Variants in USP10 observed in about 807,000 individuals in gnomAD.
The protein encoded by USP10 is ubiquitin specific peptidase 10, also known as ubiquitin carboxyl-terminal hydrolase 10.
Under a neutral mutation model 84.5 loss-of-function variants are expected in USP10, and 22 were observed. The observed-to-expected ratio is 0.26, with a 90% CI of 0.19 to 0.37. The LOEUF (loss-of-function observed/expected upper bound fraction) is 0.37, where lower values mean the gene tolerates loss of function less well. Ranked by LOEUF, USP10 falls within the 10% of genes least tolerant of loss-of-function variation. The pLI, the probability that USP10 is intolerant of heterozygous loss-of-function variation, is 1.00. For missense variants in USP10, 1,019 were observed against 998.9 expected (o/e 1.02, Z -0.27); for synonymous variants, 454 against 387.6 (o/e 1.17, Z -2.01).
rs1023278118 is a variant in USP10, at chr16:84,718,370, C to G, written c.22-15065C>G. ...ATTGGCTCAAGGGATCCTCCCACCT[C>G]AGCCTCCTGAGGAGCTGGGACTGCA... On this transcript the variant is annotated intron_variant, in intron 1 of 13. Coordinates refer to ENST00000219473, the MANE Select transcript of USP10 (RefSeq NM_005153.3). Among the ~76,000 whole-genome samples the G allele has an allele frequency of 2.0e-5, 3 of 152,310 alleles. No individual in the cohort carries two copies. In the South Asian group the frequency reaches 6.2e-4, roughly 32 times the overall value.
intron 1 of USP10, among the ~76,000 whole-genome samples, chr16:84,728,428 C>T (rs1206200758): frequency 1.3e-5 from 2 of 151,960 alleles, no homozygotes; most frequent in African/African-American, 4.8e-5. Flanking sequence ...CAACCTCTGC[C>T]TCCCCGGTTC....
intron 4 of USP10, among the ~76,000 whole-genome samples, chr16:84,747,067 G>T (rs1265320415): frequency 6.6e-6 from 1 of 152,224 alleles, no homozygotes; most frequent in East Asian, 1.9e-4. Context: ...AGTTCCACTA[G>T]AATCTTGTGG....
chr16:84,702,201 C>T (rs1347110676), intron 1 of USP10, among the ~76,000 whole-genome samples: 3 of 151,442 alleles, frequency 2.0e-5, no homozygotes, highest in Admixed American at 6.6e-5. Flanking sequence ...GGATTACAGG[C>T]GCCCACCACC....
At chr16:84,721,039 G>A (rs1282797319) in intron 1 of USP10, among the ~76,000 whole-genome samples, 1 of 151,586 alleles carries the variant, frequency 6.6e-6, no homozygotes, top group Non-Finnish European at 1.5e-5. Context: ...GAGTACAGGT[G>A]CCCGCCACCA....
At chr16:84,770,037 AGTT>A (rs781074775) in intron 11 of USP10, among the ~76,000 whole-genome samples, 60 of 152,314 alleles carry the variant, frequency 3.9e-4, no homozygotes, top group Non-Finnish European at 8.2e-4. Context: ...TGAGCCCAAC[AGTT>A]GGAGGCTGCA....
At chr16:84,755,001 A>G (rs1912362939) in intron 4 of USP10, among the ~76,000 whole-genome samples, 1 of 151,622 alleles carries the variant, frequency 6.6e-6, no homozygotes, top group South Asian at 2.1e-4. Context: ...AAAAAAAAAA[A>G]AGGAGCTGTG....
At chr16:84,725,479 C>T (rs896120721) in intron 1 of USP10, among the ~76,000 whole-genome samples, 4 of 152,196 alleles carry the variant, frequency 2.6e-5, no homozygotes, top group Non-Finnish European at 5.9e-5. Context: ...CCGCTCACTG[C>T]AACCTCTGCC....
rs559464990 is a variant in USP10, at chr16:84,739,597, A to G, written c.91-712A>G. On this transcript the variant is annotated intron_variant, in intron 2 of 13. Transcript: ENST00000219473. ...CCCTTCCTAAACTTTCTTACACCCA[A>G]TGTGTCCATTGGAAGCATTTCCAAC... 3.6e-3 allele frequency among the ~76,000 whole-genome samples: 553 copies of G among 152,228 alleles called. 7 individuals are homozygous for G. Among genetic ancestry groups the G allele is most frequent in the South Asian group, 0.029 (139 of 4,824 alleles).
intron 3 of USP10, among the ~76,000 whole-genome samples, chr16:84,742,943 G>T (rs889478848): frequency 1.3e-5 from 2 of 152,180 alleles, no homozygotes; most frequent in Non-Finnish European, 2.9e-5. Context: ...GAAATAATCA[G>T]TCTTGCATAA....
chr16:84,718,615 G>C (rs1907366593), intron 1 of USP10, among the ~76,000 whole-genome samples: 1 of 151,954 alleles, frequency 6.6e-6, no homozygotes, highest in African/African-American at 2.4e-5. Context: ...AATTAGCCCA[G>C]ACATCGTGGC....
At chr16:84,755,648 T>A (rs1240698455) in intron 4 of USP10, among the ~76,000 whole-genome samples, 1 of 151,648 alleles carries the variant, frequency 6.6e-6, no homozygotes, top group Non-Finnish European at 1.5e-5. Flanking sequence ...AAATAATAAT[T>A]ATGATTGGGT....
At chr16:84,703,519 T>G (rs1597255534) in intron 1 of USP10, among the ~76,000 whole-genome samples, 1 of 152,248 alleles carries the variant, frequency 6.6e-6, no homozygotes, top group South Asian at 2.1e-4. Context: ...GCTGAATATC[T>G]GTTTCTAGCC....
chr16:84,725,568 T>C (rs143839139), intron 1 of USP10, among the ~76,000 whole-genome samples: 8,849 of 150,112 alleles, frequency 0.059, 287 homozygotes, highest in African/African-American at 0.089. Context: ...GCCCGGCTAA[T>C]TTTTTTTTGT....
intron 12 of USP10, among the ~76,000 whole-genome samples, chr16:84,774,481 T>C (rs1385414443): frequency 2.6e-5 from 4 of 151,478 alleles, no homozygotes; most frequent in Admixed American, 2.0e-4. Flanking sequence ...TGTTTTTTTT[T>C]TGTTTGTTTG....
At chr16:84,759,826 A>T (rs1158035049) in intron 6 of USP10, 65 bp from the exon 7 acceptor site, 18 of 1,502,568 alleles carry the variant, frequency 1.2e-5, no homozygotes, top group Non-Finnish European at 1.5e-5. Context: ...TAGCCATCAA[A>T]GCTCTTTAGT....
intron 1 of USP10, among the ~76,000 whole-genome samples, chr16:84,725,385 T>C (rs1908321754): frequency 6.6e-6 from 1 of 152,204 alleles, no homozygotes. Context: ...ATTTTCTTTT[T>C]CTTTTTCTCT....
chr16:84,767,067 G>A (rs887771724), intron 10 of USP10, among the ~76,000 whole-genome samples: 1 of 152,044 alleles, frequency 6.6e-6, no homozygotes, highest in Admixed American at 6.6e-5. Flanking sequence ...CCAGAACCAG[G>A]GGAACTGTTG....
In USP10 at chr16:84,744,746, G is replaced by A; in HGVS notation, c.265G>A (p.Glu89Lys). The A allele has an allele frequency of 6.2e-7, 1 of 1,613,682 alleles. No individual in the cohort carries two copies. The highest frequency in any genetic ancestry group is 2.2e-5 in the East Asian group (1 of 44,880). The stretch of plus-strand genomic sequence containing the variant: ...AAGCACACTGAACCCTCAGGCCCCT[G>A]AATTTATTCTCGGTTGTACAGCTTC... ...ISSTLNPQAP[E>K]FILGCTASKI... Residue 89 changes from glutamate to lysine, a missense_variant, in exon 4 of 14, where the codon GAA becomes AAA. By Grantham distance (56) the Glu-to-Lys change is moderately conservative (BLOSUM62 1). This residue lies in a region of USP10 where 787 missense variants were observed against 708.8 expected (regional missense o/e 1.11). Transcript: ENST00000219473.
At chr16:84,709,161 T>C (rs1905942217) in intron 1 of USP10, 1 of 152,238 alleles carries the variant, frequency 6.6e-6, no homozygotes, top group African/African-American at 2.4e-5. Context: ...TATGGGTCCA[T>C]TGAGGAAGAC....
Sources: allele counts gnomAD v4.1 joint callset (sites outside exome capture counted in the v4.1 genomes callset), GRCh38; gene constraint gnomAD v4.1.1; regional missense constraint gnomAD v4.1.1; transcripts MANE v1.5; gene names NCBI Gene and HGNC (gene_info 2026-07-23, HGNC 2026-07-21).